The following RPS6KC1 variants were observed in gnomAD, a reference collection of about 807,000 sequenced individuals.
RPS6KC1 encodes inactive ribosomal protein S6 kinase delta-1.
RPS6KC1 carries 54 observed loss-of-function variants against 103.8 expected under a neutral mutation model. The observed-to-expected ratio is 0.52, with a 90% CI of 0.42 to 0.65. RPS6KC1 has a LOEUF of 0.65. RPS6KC1 is among the 30% of genes least tolerant of loss of function. The probability of loss-of-function intolerance (pLI) is 0.00; values close to 1 mark genes in which losing one functional copy is unlikely to be tolerated. For missense variants in RPS6KC1, 1,151 were observed against 1,253.8 expected (o/e 0.92, Z 1.24); for synonymous variants, 439 against 438.7 (o/e 1.00, Z -0.01).
intron 6 of RPS6KC1, among the ~76,000 whole-genome samples, chr1:213,145,641 C>T (rs1161280484): frequency 6.6e-6 from 1 of 152,048 alleles, no homozygotes; most frequent in African/African-American, 2.4e-5. Flanking sequence ...AGGTAGAATA[C>T]ATAGAAGGAG....
the RPS6KC1 span, among the ~76,000 whole-genome samples, chr1:213,333,173 C>G: frequency 6.6e-6 from 1 of 152,198 alleles, no homozygotes; most frequent in African/African-American, 2.4e-5. Flanking sequence ...CGGCATTTCT[C>G]TTGTGAATAG....
intron 6 of RPS6KC1, among the ~76,000 whole-genome samples, chr1:213,145,708 ATAATTT>A (rs910625547): frequency 5.0e-4 from 76 of 152,212 alleles, no homozygotes; most frequent in African/African-American, 1.8e-3. Flanking sequence ...TAAAAAATAC[ATAATTT>A]TTATTTTTTT....
chr1:213,769,703 A>G, the RPS6KC1 span, among the ~76,000 whole-genome samples: 3,829 of 152,198 alleles, frequency 0.025, 110 homozygotes, highest in Non-Finnish European at 0.032. Context: ...AAGAAAAACA[A>G]CCAATCAAGA....
chr1:213,157,703 G>A (rs1338742223), intron 6 of RPS6KC1, among the ~76,000 whole-genome samples: 1 of 152,060 alleles, frequency 6.6e-6, no homozygotes, highest in Non-Finnish European at 1.5e-5. Flanking sequence ...ATTCAGGTTG[G>A]TTGATAATAC....
At chr1:213,690,029 C>T in the RPS6KC1 span, among the ~76,000 whole-genome samples, 1 of 152,114 alleles carries the variant, frequency 6.6e-6, no homozygotes, top group African/African-American at 2.4e-5. Flanking sequence ...CTAAGCATGG[C>T]CCCCAGCATC....
chr1:213,699,474 T>C, the RPS6KC1 span, among the ~76,000 whole-genome samples: 1 of 152,188 alleles, frequency 6.6e-6, no homozygotes, highest in Non-Finnish European at 1.5e-5. Context: ...GACACTTAGG[T>C]TGCCCTCAAA....
the RPS6KC1 span, among the ~76,000 whole-genome samples, chr1:213,319,992 C>T: frequency 2.0e-5 from 3 of 152,104 alleles, no homozygotes; most frequent in African/African-American, 7.2e-5. Context: ...GAAATATAGC[C>T]CCTCTAACTT....
intron 4 of RPS6KC1, among the ~76,000 whole-genome samples, chr1:213,107,549 A>T (rs1467757560): frequency 1.3e-5 from 2 of 152,150 alleles, no homozygotes; most frequent in Admixed American, 1.3e-4. Flanking sequence ...TCATTCATTG[A>T]TAAATTGATG....
At chr1:213,675,038 G>A in the RPS6KC1 span, among the ~76,000 whole-genome samples, 71,045 of 152,016 alleles carry the variant, frequency 0.47, 17,040 homozygotes, top group South Asian at 0.7. Flanking sequence ...CTGGGTATTA[G>A]ACCTTTGTTG....
chr1:213,110,377 A>G (rs896772268), intron 4 of RPS6KC1, among the ~76,000 whole-genome samples: 2 of 151,424 alleles, frequency 1.3e-5, no homozygotes, highest in African/African-American at 4.8e-5. Flanking sequence ...TTGCCATTTT[A>G]TGTTAGTGTG....
intron 1 of RPS6KC1, among the ~76,000 whole-genome samples, chr1:213,064,926 C>T (rs528631431): frequency 1.9e-4 from 28 of 146,172 alleles, no homozygotes; most frequent in African/African-American, 6.1e-4. Flanking sequence ...CCACCCGCCT[C>T]GGCCTCCCAA....
chr1:213,141,288 G>C (rs1261782117), intron 6 of RPS6KC1, among the ~76,000 whole-genome samples: 3 of 151,888 alleles, frequency 2.0e-5, no homozygotes, highest in Non-Finnish European at 4.4e-5. Flanking sequence ...TACTGATTCA[G>C]TTTTGCAACT....
At chr1:213,742,891 G>C in the RPS6KC1 span, among the ~76,000 whole-genome samples, 2,290 of 152,354 alleles carry the variant, frequency 0.015, 28 homozygotes, top group Middle Eastern at 0.024. Flanking sequence ...AACAGATGCT[G>C]GGGAGGCTGC....
the RPS6KC1 span, among the ~76,000 whole-genome samples, chr1:213,432,000 T>C: frequency 6.6e-6 from 1 of 152,200 alleles, no homozygotes; most frequent in Non-Finnish European, 1.5e-5. Flanking sequence ...GGCAGGGGCA[T>C]ACTGTATCTC....
the RPS6KC1 span, among the ~76,000 whole-genome samples, chr1:213,740,786 T>G: frequency 3.1e-5 from 1 of 31,878 alleles, no homozygotes; most frequent in Non-Finnish European, 5.8e-5. Context: ...CATATATACA[T>G]CTCAGATATA....
chr1:213,080,046 A>G (rs900246284), intron 3 of RPS6KC1, among the ~76,000 whole-genome samples: 2 of 151,246 alleles, frequency 1.3e-5, no homozygotes, highest in Admixed American at 1.3e-4. Flanking sequence ...CCTCCAGAGT[A>G]GCTGGAATTA....
chr1:213,167,808 G>A, intron 6 of RPS6KC1, 50 bp from the exon 7 acceptor site: 1 of 1,184,644 alleles, frequency 8.4e-7, no homozygotes, highest in Non-Finnish European at 1.2e-6. Context: ...TAATTTTCAG[G>A]TTGAACTGAG....
the RPS6KC1 span, among the ~76,000 whole-genome samples, chr1:213,338,396 G>A: frequency 1.1e-4 from 16 of 152,204 alleles, no homozygotes; most frequent in Non-Finnish European, 2.4e-4. Context: ...TTCATAGTTT[G>A]TACATTCTTT....
the RPS6KC1 span, among the ~76,000 whole-genome samples, chr1:213,404,238 GGGGT>G: frequency 1.3e-5 from 2 of 152,118 alleles, no homozygotes; most frequent in Non-Finnish European, 2.9e-5. Flanking sequence ...GGTTTACACT[GGGGT>G]TGAGGTGGCT....
Sources: allele counts gnomAD v4.1 joint callset (sites outside exome capture counted in the v4.1 genomes callset), GRCh38; gene constraint gnomAD v4.1.1; transcripts MANE v1.5; gene names NCBI Gene and HGNC (gene_info 2026-07-23, HGNC 2026-07-21).